NLE1: variants seen among roughly 807,000 people sequenced by gnomAD.
NLE1 encodes the protein notchless homolog 1.
In NLE1, 37 loss-of-function variants were observed where a neutral mutation model predicts 62.8. The observed-to-expected ratio is 0.59, with a 90% CI of 0.45 to 0.78. The LOEUF (loss-of-function observed/expected upper bound fraction) is 0.78, where lower values mean the gene tolerates loss of function less well. Among genes scored for constraint, NLE1 ranks in the 30% least tolerant of loss-of-function variants. NLE1 has a pLI of 0.00. For synonymous variants in NLE1, 243 were observed against 253.0 expected, an observed-to-expected ratio of 0.96 and a Z score of 0.37; for missense variants, 555 against 637.9, an observed-to-expected ratio of 0.87 and a Z score of 1.40.
chr17:35,139,996 T>TC lies in NLE1; in HGVS notation c.232dup (p.Glu78GlyfsTer38). ...CTTCTCTGTCTCCACTGCCTGGGAC[T>TC]CCAACGTCTTCCCCAGTGAGGAGAC... is the stretch of plus-strand genomic sequence containing the variant. On this transcript the variant is annotated frameshift_variant, in exon 3 of 13. Coordinates refer to ENST00000442241, the MANE Select transcript of NLE1 (RefSeq NM_018096.5). LOFTEE classifies it high-confidence loss of function. The TC allele has an allele frequency of 6.2e-7, 1 of 1,614,088 alleles. No individual in the cohort carries two copies. Among genetic ancestry groups the TC allele is most frequent in the Non-Finnish European group, 8.5e-7 (1 of 1,180,008 alleles).
chr17:35,132,502 G>A (rs776327292), intron 12 of NLE1, 53 bp from the exon 13 acceptor site: 5 of 1,314,420 alleles, frequency 3.8e-6, no homozygotes, highest in Non-Finnish European at 4.9e-6. Context: ...GGAAAGGGAG[G>A]CCGTCATATA....
At chr17:35,135,100 G>A in intron 10 of NLE1, 149 bp downstream of exon 10, 2 of 744,134 alleles carry the variant, frequency 2.7e-6, no homozygotes, top group African/African-American at 1.7e-5. Context: ...TAACAAAGCT[G>A]AGAGGTAGGG....
chr17:35,129,572 A>C lies in NLE1; in HGVS notation c.*2865T>G, dbSNP rs918069635. On this transcript the variant is annotated 3_prime_UTR_variant, in exon 13 of 13. Transcript: ENST00000442241. ...GATTTTGGGCACTACTGTCAAGCTG[A>C]TGGAGCTAAAGCCTAACACGTGTTA... 3 of 1,614,080 alleles carry C rather than the reference A, an allele frequency of 1.9e-6. No individual in the cohort carries two copies. Among genetic ancestry groups the C allele is most frequent in the Non-Finnish European group, 8.5e-7 (1 of 1,180,036 alleles).
chr17:35,129,191 G>T lies in NLE1; in HGVS notation c.*3246C>A, dbSNP rs572426164. The T allele has an allele frequency of 3.6e-5, 19 of 525,026 alleles. No individual in the cohort carries two copies. The highest frequency in any genetic ancestry group is 5.2e-4 in the Middle Eastern group (1 of 1,908). The allele number at this position is 525,026 out of a possible 1,614,324, so 32.5% of individuals were successfully genotyped here. A position where few individuals can be genotyped will look rare whatever the true frequency, so the allele number is the denominator to read the frequency against. On this transcript the variant is annotated 3_prime_UTR_variant, in exon 13 of 13. Transcript: ENST00000442241. ...AGGACCCCTGGCGTATAAGAAATAT[G>T]GAATGAGGGTGTACCCTAAAGTGGG... is the stretch of plus-strand genomic sequence containing the variant.
chr17:35,141,338 G>C (rs528161284), intron 2 of NLE1, among the ~76,000 whole-genome samples: 1 of 152,238 alleles, frequency 6.6e-6, no homozygotes, highest in Admixed American at 6.5e-5. Context: ...ACGAGGTCAA[G>C]AGATCGAGAC....
chr17:35,129,131 C>G lies in NLE1; in HGVS notation c.*3306G>C, dbSNP rs2091861241. 2.9e-6 allele frequency: 1 copy of G among 349,088 alleles called. No individual in the cohort carries two copies. The highest frequency in any genetic ancestry group is 2.0e-5 in the African/African-American group (1 of 48,822). The allele number at this position is 349,088 out of a possible 1,614,324, so 21.6% of individuals were successfully genotyped here. A position where few individuals can be genotyped will look rare whatever the true frequency, so the allele number is the denominator to read the frequency against. On this transcript the variant is annotated 3_prime_UTR_variant, in exon 13 of 13. Coordinates refer to ENST00000442241, the MANE Select transcript of NLE1 (RefSeq NM_018096.5). ...GCTGTGCTATCCAGTTCCTAACAGG[C>G]CATGGACTGCTATCAGTTGGTGGCC...
Position 35,129,182 on chromosome 17 carries a change from A to G in NLE1, c.*3255T>C. On this transcript the variant is annotated 3_prime_UTR_variant, in exon 13 of 13. Transcript: ENST00000442241. ...CAAGGGTTGAGGACCCCTGGCGTAT[A>G]AGAAATATGGAATGAGGGTGTACCC... The G allele has an allele frequency of 2.0e-6, 1 of 488,278 alleles. No homozygotes were observed. The allele number at this position is 488,278 out of a possible 1,614,324, so 30.2% of individuals were successfully genotyped here. A position where few individuals can be genotyped will look rare whatever the true frequency, so the allele number is the denominator to read the frequency against.
Position 35,140,535 on chromosome 17 carries a change from G to A in NLE1, c.163-469C>T, listed in dbSNP as rs555427723. On this transcript the variant is annotated intron_variant, in intron 2 of 12. Transcript: ENST00000442241. ...TGAGCCACTGTGCCCAGCCTAGCAA[G>A]ACCTTTTAAGTCACTGAACAGCAGT... 5.9e-5 allele frequency among the ~76,000 whole-genome samples: 9 copies of A among 151,752 alleles called. No homozygotes were observed. In the South Asian group the frequency reaches 1.7e-3, roughly 28 times the overall value.
In NLE1 at chr17:35,130,360, CG is replaced by C. The variant is rs2091869492; in HGVS notation, c.*2076del. On this transcript the variant is annotated 3_prime_UTR_variant, in exon 13 of 13. Transcript: ENST00000442241. The stretch of plus-strand genomic sequence containing the variant: ...GATCACCGTGCGGCGCAAGGAACCC[CG>C]GCAAAAGATCGTGTCCATCGGGCCG... The C allele has an allele frequency of 6.2e-7, 1 of 1,614,022 alleles. No homozygotes were observed.
rs557153692 is a variant in NLE1 at position 35,136,343 on chromosome 17, C to T, written c.964+19G>A. ...TCCTTCCCAATCAGCCCCCGCTCTTCCTTCTCCCAATCACTCACAGGATCC... is the reference window on the plus strand; with the variant it reads ...TCCTTCCCAATCAGCCCCCGCTCTTTCTTCTCCCAATCACTCACAGGATCC... On this transcript the variant is annotated intron_variant, in intron 8 of 12. Transcript: ENST00000442241. The T allele has an allele frequency of 1.9e-6, 3 of 1,611,176 alleles. No individual in the cohort carries two copies. The East Asian group carries it at 6.7e-5, about 36-fold the overall frequency.
intron 2 of NLE1, among the ~76,000 whole-genome samples, chr17:35,140,805 G>A (rs1286514942): frequency 6.6e-6 from 1 of 152,012 alleles, no homozygotes; most frequent in Non-Finnish European, 1.5e-5. Context: ...GGCTAAGCTG[G>A]TCTCGAACTC....
In NLE1 at chr17:35,135,435, C is replaced by T; in HGVS notation, c.1028G>A (p.Arg343Lys). The change falls in exon 10 of 13, where the codon AGG becomes AAG. Residue 343 changes from arginine to lysine, a missense_variant. Arg to Lys is a conservative substitution (Grantham distance 26). Transcript: ENST00000442241. Reference protein sequence around the residue: ...YNLVRGQGPERLVSGSDDFTL... With the variant: ...YNLVRGQGPEKLVSGSDDFTL... ...GAAGTCGTCGGAGCCAGACACCAGC[C>T]TCTCTGGACCCTGGCCCTAGGGGAG... 1 of 1,614,110 alleles carries T rather than the reference C, an allele frequency of 6.2e-7. No homozygotes were observed. The highest frequency in any genetic ancestry group is 8.5e-7 in the Non-Finnish European group (1 of 1,179,984).
In NLE1 at chr17:35,139,291, T is replaced by C. The variant is rs1376426043; in HGVS notation, c.404A>G (p.Asp135Gly). The C allele has an allele frequency of 6.2e-7, 1 of 1,611,738 alleles. No homozygotes were observed. Among genetic ancestry groups the C allele is most frequent in the Admixed American group, 1.7e-5 (1 of 60,026 alleles). ...GAGATCCCAGAAGCGCACGGTGGTG[T>C]CTCCAGAGCCACTGGCCAGGTACCT... Reference protein sequence around the residue: ...TGKYLASGSGDTTVRFWDLST... With the variant: ...TGKYLASGSGGTTVRFWDLST... The change falls in exon 4 of 13, where the codon GAC becomes GGC. Residue 135 changes from aspartate (D) to glycine (G), a missense_variant. Coordinates refer to ENST00000442241, the MANE Select transcript of NLE1 (RefSeq NM_018096.5).
At chr17:35,137,425 A>G in intron 6 of NLE1, 118 bp downstream of exon 6, 1 of 901,586 alleles carries the variant, frequency 1.1e-6, no homozygotes, top group Non-Finnish European at 1.7e-6. Context: ...CCAAGCCATC[A>G]CGGTCATTCA....
rs1339341133 is a variant in NLE1, at chr17:35,129,147, G to A, written c.*3290C>T. Reference sequence around the variant, plus strand: ...CCTAACAGGCCATGGACTGCTATCAGTTGGTGGCCCAAGGGTTGAGGACCC... The same window carrying A: ...CCTAACAGGCCATGGACTGCTATCAATTGGTGGCCCAAGGGTTGAGGACCC... On this transcript the variant is annotated 3_prime_UTR_variant, in exon 13 of 13. Transcript: ENST00000442241. 5.2e-6 allele frequency: 2 copies of A among 385,102 alleles called. No individual in the cohort carries two copies. The highest frequency in any genetic ancestry group is 9.7e-6 in the Non-Finnish European group (2 of 206,090). The allele number at this position is 385,102 out of a possible 1,614,324, so 23.9% of individuals were successfully genotyped here. A position where few individuals can be genotyped will look rare whatever the true frequency, so the allele number is the denominator to read the frequency against.
At chr17:35,132,915 C>A (rs954884441) in intron 12 of NLE1, among the ~76,000 whole-genome samples, 1 of 152,078 alleles carries the variant, frequency 6.6e-6, no homozygotes, top group Non-Finnish European at 1.5e-5. Context: ...TTCCGGTGGC[C>A]CTCCCACTTG....
rs1183035306 is a variant in NLE1 at position 35,136,347 on chromosome 17, C to T, written c.964+15G>A. On this transcript the variant is annotated intron_variant, in intron 8 of 12. Transcript: ENST00000442241. ...TCCCAATCAGCCCCCGCTCTTCCTT[C>T]TCCCAATCACTCACAGGATCCTTGG... 3.7e-6 allele frequency: 6 copies of T among 1,611,576 alleles called. No homozygotes were observed. Among genetic ancestry groups the T allele is most frequent in the Non-Finnish European group, 5.1e-6 (6 of 1,177,956 alleles).
rs2091860761 is a variant in NLE1 at position 35,129,039 on chromosome 17, CCT to C, written c.*3396_*3397del. On this transcript the variant is annotated 3_prime_UTR_variant, in exon 13 of 13. Coordinates refer to ENST00000442241, the MANE Select transcript of NLE1 (RefSeq NM_018096.5). ...ACAGGAGGCAGAGCTCAGGTGGTAC[CCT>C]GAGCCGTGGGGAGCAGCTGTAAATA... 4.9e-6 allele frequency: 1 copy of C among 203,742 alleles called. No individual in the cohort carries two copies. Among genetic ancestry groups the C allele is most frequent in the Non-Finnish European group, 1.0e-5 (1 of 98,586 alleles). 12.6% of individuals were successfully genotyped at this position (203,742 alleles called of 1,614,324 possible). A position where few individuals can be genotyped will look rare whatever the true frequency, so the allele number is the denominator to read the frequency against.
chr17:35,136,334 C>A, intron 8 of NLE1, 28 bp downstream of exon 8: 1 of 1,610,128 alleles, frequency 6.2e-7, no homozygotes, highest in Non-Finnish European at 8.5e-7. Flanking sequence ...CCAATCAGCC[C>A]CCGCTCTTCC....
Sources: allele counts gnomAD v4.1 joint callset (sites outside exome capture counted in the v4.1 genomes callset), GRCh38; gene constraint gnomAD v4.1.1; transcripts MANE v1.5; gene names NCBI Gene and HGNC (gene_info 2026-07-23, HGNC 2026-07-21).